Variants in MDGA2 observed in about 807,000 individuals in gnomAD.
MDGA2 encodes MAM domain containing glycosylphosphatidylinositol anchor 2, also known as MAM domain-containing glycosylphosphatidylinositol anchor protein 2.
Under a neutral mutation model 117.8 loss-of-function variants are expected in MDGA2, and 40 were observed. That is an observed-to-expected ratio of 0.34 (90% CI 0.26 to 0.44). MDGA2 has a LOEUF of 0.44. Ranked by LOEUF, MDGA2 falls within the 20% of genes least tolerant of loss-of-function variation. The probability of loss-of-function intolerance (pLI) is 1.00; values close to 1 mark genes in which losing one functional copy is unlikely to be tolerated. For missense variants in MDGA2, 1,123 were observed against 1,250.6 expected (o/e 0.90, Z 1.54); for synonymous variants, 452 against 439.0 (o/e 1.03, Z -0.37).
intron 7 of MDGA2, chr14:47,058,560 A>G: frequency 1.0e-6 from 1 of 984,904 alleles, no homozygotes; most frequent in Non-Finnish European, 1.2e-6. Context: ...TCACTGTTCA[A>G]ACTATATCCT....
intron 10 of MDGA2, among the ~76,000 whole-genome samples, chr14:46,892,653 G>A (rs183385834): frequency 3.6e-4 from 55 of 151,656 alleles, no homozygotes; most frequent in Admixed American, 8.5e-4. Flanking sequence ...CATGCAACTC[G>A]ACAGCAAAAA....
Position 47,604,140 on chromosome 14 carries a change from C to A in MDGA2, c.280+70377G>T, listed in dbSNP as rs184860886. The stretch of plus-strand genomic sequence containing the variant: ...AAAACAGCCAAACACAGCCTCCAAG[C>A]CTTTGGAAGACTTTTCTTAACTTAC... On this transcript the variant is annotated intron_variant, in intron 1 of 16. Coordinates refer to ENST00000399232, the MANE Select transcript of MDGA2 (RefSeq NM_001113498.3). Among the ~76,000 whole-genome samples, 289 of 152,130 alleles carry A rather than the reference C, an allele frequency of 1.9e-3. 3 individuals carry two copies. Among genetic ancestry groups the A allele is most frequent in the Non-Finnish European group, 8.8e-4 (60 of 67,986 alleles).
Position 46,957,462 on chromosome 14 carries a change from C to G in MDGA2, c.2001G>C (p.Val667=). The change falls in exon 9 of 17, where the codon GTG becomes GTC. Residue 667 remains valine (V), a synonymous_variant. Transcript: ENST00000399232. ...FDSQEYTEYA[V]KSLSNENYGV... ...CATAGTTTTCATTGGAAAGACTCTT[C>G]ACAGCGTACTCTGTGTATTCCTGAG... 1 of 1,614,164 alleles carries G rather than the reference C, an allele frequency of 6.2e-7. No individual in the cohort carries two copies. The highest frequency in any genetic ancestry group is 8.5e-7 in the Non-Finnish European group (1 of 1,180,020).
intron 8 of MDGA2, chr14:46,997,012 T>C (rs1887319437): frequency 2.8e-6 from 1 of 351,996 alleles, no homozygotes; most frequent in South Asian, 2.8e-5. Flanking sequence ...AAACTAGGTG[T>C]TGGATTTGAT....
In MDGA2 at chr14:47,339,168, T is replaced by A. The variant is rs1318312408; in HGVS notation, c.281-37618A>T. Among the ~76,000 whole-genome samples the A allele has an allele frequency of 2.6e-5, 4 of 152,216 alleles. No individual in the cohort carries two copies. The East Asian group carries it at 7.7e-4, about 29-fold the overall frequency. ...TCTTCAAAGTACAAGGGTGTGTATG[T>A]CATATTTAGGGGTATAAAAGAATGA... is the stretch of plus-strand genomic sequence containing the variant. On this transcript the variant is annotated intron_variant, in intron 1 of 16. Coordinates refer to ENST00000399232, the MANE Select transcript of MDGA2 (RefSeq NM_001113498.3).
At chr14:46,955,398 T>C (rs1267939702) in intron 9 of MDGA2, among the ~76,000 whole-genome samples, 1 of 152,054 alleles carries the variant, frequency 6.6e-6, no homozygotes, top group Non-Finnish European at 1.5e-5. Context: ...ACTTCACCAT[T>C]AAAATACGAG....
At chr14:47,388,614 G>A (rs772368612) in intron 1 of MDGA2, among the ~76,000 whole-genome samples, 3 of 152,110 alleles carry the variant, frequency 2.0e-5, no homozygotes, top group Non-Finnish European at 4.4e-5. Context: ...TCAGGATATT[G>A]AAATCAGGAC....
At chr14:47,314,769 T>C (rs1889753679) in intron 1 of MDGA2, among the ~76,000 whole-genome samples, 1 of 152,050 alleles carries the variant, frequency 6.6e-6, no homozygotes, top group African/African-American at 2.4e-5. Context: ...AAATGATTGG[T>C]AAAATTATAA....
intron 1 of MDGA2, among the ~76,000 whole-genome samples, chr14:47,328,210 G>T (rs1420194933): frequency 6.6e-6 from 1 of 151,924 alleles, no homozygotes; most frequent in Non-Finnish European, 1.5e-5. Flanking sequence ...GGGCAGAGGG[G>T]GATAAACTAA....
rs1888571350 is a variant in MDGA2 at position 47,283,530 on chromosome 14, C to A, written c.420+17881G>T. Among the ~76,000 whole-genome samples the A allele has an allele frequency of 2.6e-5, 4 of 152,058 alleles. 1 individual carries two copies. In the South Asian group the frequency reaches 6.2e-4, roughly 24 times the overall value. ...TTAGGAAGAAACATTACATGAATAC[C>A]ATTTTGTTACATTTGATGCAAGTTA... On this transcript the variant is annotated intron_variant, in intron 2 of 16. Coordinates refer to ENST00000399232, the MANE Select transcript of MDGA2 (RefSeq NM_001113498.3).
intron 3 of MDGA2, among the ~76,000 whole-genome samples, chr14:47,161,811 T>C (rs976749612): frequency 2.0e-5 from 3 of 151,936 alleles, no homozygotes; most frequent in Non-Finnish European, 2.9e-5. Flanking sequence ...TCGTTGATTT[T>C]AGATTTCCCT....
intron 5 of MDGA2, among the ~76,000 whole-genome samples, chr14:47,125,532 C>T (rs1385393263): frequency 1.3e-5 from 2 of 151,292 alleles, no homozygotes; most frequent in Non-Finnish European, 2.9e-5. Flanking sequence ...CGTTTCTTGA[C>T]CTCTATCTTT....
chr14:47,467,680 T>C (rs13353143), intron 1 of MDGA2, among the ~76,000 whole-genome samples: 42,385 of 151,986 alleles, frequency 0.28, 6,289 homozygotes, highest in South Asian at 0.52. Context: ...CATTTAGTTT[T>C]CTGTGCCTCC....
chr14:47,457,335 T>C (rs548578052), intron 1 of MDGA2, among the ~76,000 whole-genome samples: 8 of 152,320 alleles, frequency 5.3e-5, no homozygotes, highest in South Asian at 2.1e-4. Context: ...CTTGAGAGCA[T>C]GCATTTTAAA....
chr14:47,368,382 A>C (rs1270884173), intron 1 of MDGA2, among the ~76,000 whole-genome samples: 1 of 152,252 alleles, frequency 6.6e-6, no homozygotes, highest in African/African-American at 2.4e-5. Flanking sequence ...AGTAAACACT[A>C]ACTTTAACAA....
At chr14:47,610,855 A>G (rs567173296) in intron 1 of MDGA2, among the ~76,000 whole-genome samples, 2 of 152,236 alleles carry the variant, frequency 1.3e-5, no homozygotes, top group Admixed American at 6.5e-5. Flanking sequence ...TTAGAAAAAA[A>G]CTATTCTAAA....
intron 2 of MDGA2, among the ~76,000 whole-genome samples, chr14:47,290,396 T>C (rs952403681): frequency 1.3e-5 from 2 of 152,132 alleles, no homozygotes; most frequent in African/African-American, 4.8e-5. Context: ...GCCTTAATCT[T>C]GGATTTCTCA....
chr14:47,651,213 GGTGTGTGTGT>G lies in MDGA2; in HGVS notation c.280+23294_280+23303del, dbSNP rs56853118. On this transcript the variant is annotated intron_variant, in intron 1 of 16. Transcript: ENST00000399232. ...GGAGATTCTGTGTGTGTGTGCATGT[GGTGTGTGTGT>G]GTGTGTGTGTGTGTGTGTGTGTGTG... is the stretch of plus-strand genomic sequence containing the variant. 7.4e-3 allele frequency among the ~76,000 whole-genome samples: 1,086 copies of G among 146,476 alleles called. 10 individuals are homozygous for G. The highest frequency in any genetic ancestry group is 0.023 in the African/African-American group (933 of 39,796).
chr14:47,080,309 C>A (rs1002351996), intron 6 of MDGA2, among the ~76,000 whole-genome samples: 7 of 152,076 alleles, frequency 4.6e-5, no homozygotes, highest in Non-Finnish European at 1.0e-4. Context: ...AAATTTATAA[C>A]AATTTATAAC....
Sources: gnomAD v4.1 joint callset for allele counts (sites outside exome capture counted in the v4.1 genomes callset) on GRCh38, gnomAD v4.1.1 for gene constraint, MANE v1.5 for transcripts, NCBI Gene and HGNC (gene_info 2026-07-23, HGNC 2026-07-21) for gene names.